FRAS1: variants seen among roughly 807,000 people sequenced by gnomAD.
FRAS1 encodes extracellular matrix organizing protein FRAS1.
FRAS1 carries 290 observed loss-of-function variants against 435.2 expected under a neutral mutation model. The observed-to-expected ratio is 0.67, with a 90% CI of 0.61 to 0.73. FRAS1 has a LOEUF of 0.73. FRAS1 is among the 30% of genes least tolerant of loss of function. FRAS1 has a pLI of 0.00. For synonymous variants in FRAS1, 1,800 were observed against 1,851.0 expected (o/e 0.97, Z 0.71); for missense variants, 4,860 against 5,001.5 (o/e 0.97, Z 0.85).
chr4:78,511,969 G>T (rs936231619), intron 64 of FRAS1, among the ~76,000 whole-genome samples: 7 of 152,154 alleles, frequency 4.6e-5, no homozygotes, highest in Admixed American at 4.6e-4. Context: ...AAGATTATTA[G>T]CATTCACTCT....
At chr4:78,482,327 C>T in intron 57 of FRAS1, 61 bp from the exon 58 acceptor site, 2 of 1,592,416 alleles carry the variant, frequency 1.3e-6, no homozygotes, top group East Asian at 2.2e-5. Flanking sequence ...TTGCCCTAGT[C>T]AAGGTAAATG....
intron 24 of FRAS1, 85 bp from the exon 25 acceptor site, chr4:78,374,025 TG>T: frequency 1.5e-6 from 2 of 1,345,244 alleles, no homozygotes; most frequent in Non-Finnish European, 2.0e-6. Context: ...GTACTGCTGC[TG>T]GACATCTCAT....
chr4:78,518,766 T>G (rs1721296301), intron 66 of FRAS1, among the ~76,000 whole-genome samples: 1 of 152,174 alleles, frequency 6.6e-6, no homozygotes, highest in South Asian at 2.1e-4. Flanking sequence ...GAGCTGTCCA[T>G]TGGTGAGCTT....
intron 2 of FRAS1, among the ~76,000 whole-genome samples, chr4:78,191,689 C>T (rs1305323848): frequency 1.7e-4 from 26 of 152,008 alleles, no homozygotes; most frequent in Admixed American, 3.3e-4. Context: ...TATCCCTCCC[C>T]GCTCCCCCCA....
intron 2 of FRAS1, among the ~76,000 whole-genome samples, chr4:78,190,616 C>A (rs1722491960): frequency 2.6e-5 from 4 of 150,958 alleles, no homozygotes; most frequent in Non-Finnish European, 4.4e-5. Context: ...CACCACACCC[C>A]TTCCCTTCCC....
At chr4:78,109,290 C>A (rs1408019141) in intron 2 of FRAS1, among the ~76,000 whole-genome samples, 1 of 75,274 alleles carries the variant, frequency 1.3e-5, no homozygotes, top group African/African-American at 5.8e-5. Context: ...GGCAGAGACA[C>A]AACCAAAAAA....
chr4:78,064,557 C>T (rs1343452546), intron 1 of FRAS1, among the ~76,000 whole-genome samples: 1 of 151,252 alleles, frequency 6.6e-6, no homozygotes, highest in Non-Finnish European at 1.5e-5. Context: ...TAATGTGATG[C>T]CTTCATATTC....
intron 24 of FRAS1, 107 bp from the exon 25 acceptor site, chr4:78,374,004 T>C: frequency 5.6e-6 from 6 of 1,080,156 alleles, no homozygotes; most frequent in Non-Finnish European, 7.7e-6. Context: ...CTTTGCCCAG[T>C]ACACTAGGCT....
At chr4:78,524,386 C>A (rs10006660) in intron 69 of FRAS1, among the ~76,000 whole-genome samples, 1 of 152,068 alleles carries the variant, frequency 6.6e-6, no homozygotes, top group Non-Finnish European at 1.5e-5. Flanking sequence ...ATATCAAGAC[C>A]GTAGTTGTTC....
intron 2 of FRAS1, among the ~76,000 whole-genome samples, chr4:78,217,059 C>A (rs1723798752): frequency 6.7e-6 from 1 of 149,480 alleles, no homozygotes; most frequent in South Asian, 2.3e-4. Flanking sequence ...AGAAACAGAA[C>A]CAATAAAAGA....
At chr4:78,269,544 T>C (rs7667670) in intron 9 of FRAS1, among the ~76,000 whole-genome samples, 143,980 of 152,264 alleles carry the variant, frequency 0.95, 68,473 homozygotes, top group Non-Finnish European at 1. Context: ...TGCAGCTTCA[T>C]CGTTGTCTTC....
chr4:78,120,088 T>C (rs1403591286), intron 2 of FRAS1, among the ~76,000 whole-genome samples: 1 of 152,214 alleles, frequency 6.6e-6, no homozygotes, highest in Admixed American at 6.5e-5. Context: ...AATGGATGTT[T>C]ATCATATTGT....
In FRAS1 at chr4:78,541,188, A is replaced by G; in HGVS notation, c.*64A>G. The G allele has an allele frequency of 7.2e-6, 7 of 973,122 alleles. No individual in the cohort carries two copies. Among genetic ancestry groups the G allele is most frequent in the Non-Finnish European group, 9.7e-6 (7 of 720,118 alleles). 60.3% of individuals were successfully genotyped at this position (973,122 alleles called of 1,614,324 possible). On this transcript the variant is annotated 3_prime_UTR_variant, in exon 74 of 74. Transcript: ENST00000512123. The stretch of plus-strand genomic sequence containing the variant: ...TTATAAAATGGGGGGAAATACTGGT[A>G]TTTTTATAATCTCGCAGATAAAAAA...
chr4:78,286,338 A>G, intron 13 of FRAS1, 67 bp from the exon 14 acceptor site: 1 of 1,588,110 alleles, frequency 6.3e-7, no homozygotes, highest in Non-Finnish European at 8.6e-7. Context: ...AAGCACTGGC[A>G]TGGGGGTGGT....
rs1578140467 is a variant in FRAS1 at position 78,125,119 on chromosome 4, G to A, written c.108+59103G>A. On this transcript the variant is annotated intron_variant, in intron 2 of 73. Transcript: ENST00000512123. ...TAGATCTCTCCTGCTTTCTCTTGTGGGCATTTAATGCTATAAATTTCCCTC... is the reference window on the plus strand; with the variant it reads ...TAGATCTCTCCTGCTTTCTCTTGTGAGCATTTAATGCTATAAATTTCCCTC... 2.0e-5 allele frequency among the ~76,000 whole-genome samples: 3 copies of A among 152,088 alleles called. No individual in the cohort carries two copies. The South Asian group carries it at 6.2e-4, about 32-fold the overall frequency.
rs1318230051 is a variant in FRAS1, at chr4:78,284,395, T to C, written c.1256-10T>C. 6.2e-7 allele frequency: 1 copy of C among 1,613,876 alleles called. No individual in the cohort carries two copies. On this transcript the variant is annotated splice_polypyrimidine_tract_variant and intron_variant, in intron 12 of 73. Coordinates refer to ENST00000512123, the MANE Select transcript of FRAS1 (RefSeq NM_025074.7). ...CACAGAGTTCTCCCCTTCTTTGTCC[T>C]TGATTTCAGTTCATTGCCATCCAGA...
At chr4:78,499,510 C>T (rs4975133) in intron 60 of FRAS1, among the ~76,000 whole-genome samples, 104,766 of 152,066 alleles carry the variant, frequency 0.69, 36,447 homozygotes, top group African/African-American at 0.78. Context: ...ATGTGAGACA[C>T]AACTCCTGCA....
chr4:78,432,869 A>G (rs1409923057), intron 38 of FRAS1, among the ~76,000 whole-genome samples: 1 of 152,210 alleles, frequency 6.6e-6, no homozygotes, highest in Non-Finnish European at 1.5e-5. Flanking sequence ...AGAGGGGCCT[A>G]GTGCCATAAA....
At chr4:78,213,188 A>C (rs982070181) in intron 2 of FRAS1, among the ~76,000 whole-genome samples, 2 of 152,238 alleles carry the variant, frequency 1.3e-5, no homozygotes, top group African/African-American at 2.4e-5. Flanking sequence ...CATGATTAGA[A>C]TGTGGCTCCA....
Sources: allele counts gnomAD v4.1 joint callset (sites outside exome capture counted in the v4.1 genomes callset), GRCh38; gene constraint gnomAD v4.1.1; transcripts MANE v1.5; gene names NCBI Gene and HGNC (gene_info 2026-07-23, HGNC 2026-07-21).